EXOC4: variants seen among roughly 807,000 people sequenced by gnomAD.
EXOC4 encodes exocyst complex component 4.
Under a neutral mutation model 107.2 loss-of-function variants are expected in EXOC4, and 71 were observed. That is an observed-to-expected ratio of 0.66 (90% CI 0.55 to 0.81). The LOEUF is 0.81. EXOC4 is among the 30% of genes least tolerant of loss of function. The pLI is 0.00. For missense variants in EXOC4, 1,108 were observed against 1,189.6 expected (o/e 0.93, Z 1.01); for synonymous variants, 456 against 441.2 (o/e 1.03, Z -0.42).
chr7:133,954,712 C>A (rs541473557), intron 14 of EXOC4, among the ~76,000 whole-genome samples: 11 of 152,348 alleles, frequency 7.2e-5, no homozygotes. Flanking sequence ...GCAGGCTGTG[C>A]TTGGCTTGGC....
intron 9 of EXOC4, among the ~76,000 whole-genome samples, chr7:133,566,827 A>T (rs1800915119): frequency 6.6e-6 from 1 of 152,222 alleles, no homozygotes; most frequent in Non-Finnish European, 1.5e-5. Flanking sequence ...AGATGATTTT[A>T]TGGTTATGTG....
intron 7 of EXOC4, among the ~76,000 whole-genome samples, chr7:133,470,017 A>G (rs1027704481): frequency 2.0e-5 from 3 of 152,174 alleles, no homozygotes; most frequent in Non-Finnish European, 4.4e-5. Flanking sequence ...GAGAGGGTGG[A>G]ATCACAGGTT....
intron 13 of EXOC4, among the ~76,000 whole-genome samples, chr7:133,925,137 G>A (rs1800023123): frequency 6.6e-6 from 1 of 152,200 alleles, no homozygotes; most frequent in South Asian, 2.1e-4. Context: ...AGTTTTTAAA[G>A]CTCAGAGGGC....
intron 10 of EXOC4, among the ~76,000 whole-genome samples, chr7:133,725,692 A>C (rs1368940751): frequency 6.6e-6 from 1 of 152,186 alleles, no homozygotes; most frequent in African/African-American, 2.4e-5. Flanking sequence ...GACATTTCAT[A>C]GGGACTCTAT....
chr7:133,803,698 G>T (rs1797002465), intron 10 of EXOC4, among the ~76,000 whole-genome samples: 1 of 152,086 alleles, frequency 6.6e-6, no homozygotes, highest in Non-Finnish European at 1.5e-5. Flanking sequence ...TTATTATCCT[G>T]TGTACAAATG....
intron 7 of EXOC4, among the ~76,000 whole-genome samples, chr7:133,429,486 A>T (rs1248508158): frequency 6.6e-6 from 1 of 152,214 alleles, no homozygotes; most frequent in Admixed American, 6.5e-5. Context: ...AATATAACTC[A>T]ATAGGTTTTA....
intron 13 of EXOC4, among the ~76,000 whole-genome samples, chr7:133,920,885 G>A (rs1799922080): frequency 6.6e-6 from 1 of 152,144 alleles, no homozygotes; most frequent in Non-Finnish European, 1.5e-5. Context: ...CTGAGAAAGT[G>A]TTTATTTTTT....
intron 9 of EXOC4, among the ~76,000 whole-genome samples, chr7:133,485,976 T>G (rs888098652): frequency 2.6e-5 from 4 of 152,228 alleles, no homozygotes; most frequent in Non-Finnish European, 5.9e-5. Flanking sequence ...TCGGGGCTAC[T>G]TAATACTTTT....
At chr7:134,084,013 T>C in the EXOC4 span, among the ~76,000 whole-genome samples, 109 of 152,312 alleles carry the variant, frequency 7.2e-4, 1 homozygote, top group Middle Eastern at 3.4e-3. Context: ...TGAGGCTTAT[T>C]ATAGCAAACA....
intron 10 of EXOC4, among the ~76,000 whole-genome samples, chr7:133,692,992 G>A (rs1419834154): frequency 3.3e-5 from 5 of 152,176 alleles, no homozygotes; most frequent in Non-Finnish European, 5.9e-5. Context: ...GAGGTCCAGA[G>A]AATTTAAGTA....
intron 1 of EXOC4, among the ~76,000 whole-genome samples, chr7:133,273,619 A>C (rs1281419695): frequency 6.6e-6 from 1 of 152,228 alleles, no homozygotes; most frequent in East Asian, 1.9e-4. Flanking sequence ...TGGAGGTTAG[A>C]TTGAAGTCAA....
At chr7:133,522,551 C>G (rs1411323024) in intron 9 of EXOC4, among the ~76,000 whole-genome samples, 1 of 151,916 alleles carries the variant, frequency 6.6e-6, no homozygotes, top group Non-Finnish European at 1.5e-5. Context: ...GTGATGAAAG[C>G]CAAACTTGAA....
intron 15 of EXOC4, among the ~76,000 whole-genome samples, chr7:133,999,583 AG>A (rs1381813266): frequency 6.6e-6 from 1 of 152,238 alleles, no homozygotes; most frequent in East Asian, 1.9e-4. Flanking sequence ...CAGAGAAATC[AG>A]GTGTTTTCTA....
chr7:133,433,291 C>T (rs1040457679), intron 7 of EXOC4, among the ~76,000 whole-genome samples: 2 of 152,156 alleles, frequency 1.3e-5, no homozygotes, highest in Admixed American at 6.5e-5. Context: ...CAGTCTGTTT[C>T]GTCATCCAAT....
intron 1 of EXOC4, among the ~76,000 whole-genome samples, chr7:133,254,298 C>T (rs999961630): frequency 1.3e-5 from 2 of 152,084 alleles, no homozygotes; most frequent in Non-Finnish European, 2.9e-5. Context: ...TTCTTTTGGG[C>T]TTAAGAGAAA....
At chr7:133,879,749 T>C (rs1032316915) in intron 11 of EXOC4, among the ~76,000 whole-genome samples, 2 of 152,198 alleles carry the variant, frequency 1.3e-5, no homozygotes, top group Non-Finnish European at 1.5e-5. Context: ...ATATTTAATA[T>C]CTTTGACACG....
chr7:133,363,159 T>C (rs760245053), intron 6 of EXOC4, among the ~76,000 whole-genome samples: 1 of 152,230 alleles, frequency 6.6e-6, no homozygotes, highest in Non-Finnish European at 1.5e-5. Context: ...GCTTTAAATA[T>C]ACCCAACTAT....
intron 10 of EXOC4, among the ~76,000 whole-genome samples, chr7:133,663,541 T>A (rs146926240): frequency 2.6e-5 from 4 of 152,264 alleles, no homozygotes; most frequent in Non-Finnish European, 5.9e-5. Context: ...TATTCCACAC[T>A]CTATGTTCAA....
Position 133,289,120 on chromosome 7 carries a change from A to G in EXOC4, c.471+4A>G. The stretch of plus-strand genomic sequence containing the variant: ...TCTCAGTGCCACTGACATGTTGGTA[A>G]GAGAACAGCCTGTGCTAAGGGTCAT... On this transcript the variant is annotated splice_donor_region_variant and intron_variant, in intron 3 of 17. Transcript: ENST00000253861. The G allele has an allele frequency of 1.2e-6, 2 of 1,613,538 alleles. No homozygotes were observed. The highest frequency in any genetic ancestry group is 1.7e-6 in the Non-Finnish European group (2 of 1,179,594).
Sources: allele counts gnomAD v4.1 joint callset (sites outside exome capture counted in the v4.1 genomes callset), GRCh38; gene constraint gnomAD v4.1.1; transcripts MANE v1.5; gene names NCBI Gene and HGNC (gene_info 2026-07-23, HGNC 2026-07-21).